Variants in PDZRN4 observed in about 807,000 individuals in gnomAD.
PDZRN4 encodes PDZ domain containing ring finger 4, also known as PDZ domain-containing RING finger protein 4.
PDZRN4 carries 70 observed loss-of-function variants against 99.0 expected under a neutral mutation model. That is an observed-to-expected ratio of 0.71 (90% CI 0.58 to 0.86). PDZRN4 has a LOEUF of 0.86. Ranked by LOEUF, PDZRN4 falls within the 40% of genes least tolerant of loss-of-function variation. The pLI, the probability that PDZRN4 is intolerant of heterozygous loss-of-function variation, is 0.00. For synonymous variants in PDZRN4, 551 were observed against 501.6 expected (o/e 1.10, Z -1.32); for missense variants, 1,474 against 1,331.2 (o/e 1.11, Z -1.67).
chr12:41,433,955 C>G (rs553553439), intron 3 of PDZRN4, among the ~76,000 whole-genome samples: 35 of 152,190 alleles, frequency 2.3e-4, no homozygotes, highest in Admixed American at 1.0e-3. Flanking sequence ...AACTACTGCC[C>G]CTATCAGGAG....
At chr12:41,192,365 G>A (rs1950740875) in intron 2 of PDZRN4, among the ~76,000 whole-genome samples, 1 of 152,196 alleles carries the variant, frequency 6.6e-6, no homozygotes, top group Non-Finnish European at 1.5e-5. Flanking sequence ...CTCCCAAAGT[G>A]CTGGGATTAC....
chr12:41,281,549 G>T (rs1951385936), intron 3 of PDZRN4, among the ~76,000 whole-genome samples: 1 of 152,080 alleles, frequency 6.6e-6, no homozygotes, highest in Non-Finnish European at 1.5e-5. Flanking sequence ...GAAAAACATA[G>T]CACAAGAACT....
intron 3 of PDZRN4, among the ~76,000 whole-genome samples, chr12:41,483,505 G>C (rs922817341): frequency 2.0e-5 from 3 of 152,098 alleles, no homozygotes; most frequent in Non-Finnish European, 4.4e-5. Flanking sequence ...CCCATGTAGG[G>C]AGCTTCAGAG....
chr12:41,429,803 T>TTTTTTTTTTTTTTTTTTTTGAGACGG (rs1952570408), intron 3 of PDZRN4, among the ~76,000 whole-genome samples: 1 of 151,414 alleles, frequency 6.6e-6, no homozygotes, highest in African/African-American at 2.5e-5. Context: ...TCTTATTTTT[T>TTTTTTTTTTTTTTTTTTTTGAGACGG]AAAATGTCTA....
chr12:41,324,522 T>A (rs1197035252), intron 3 of PDZRN4, among the ~76,000 whole-genome samples: 1 of 152,082 alleles, frequency 6.6e-6, no homozygotes, highest in African/African-American at 2.4e-5. Context: ...TTTGGGAAAA[T>A]AGCAATATTT....
At chr12:41,553,121 C>A (rs991151874) in intron 6 of PDZRN4, among the ~76,000 whole-genome samples, 2 of 152,174 alleles carry the variant, frequency 1.3e-5, no homozygotes, top group Non-Finnish European at 2.9e-5. Flanking sequence ...TTAACAGTAG[C>A]ACTGGCTAAT....
chr12:41,299,360 C>T (rs1037801467), intron 3 of PDZRN4, among the ~76,000 whole-genome samples: 1 of 152,098 alleles, frequency 6.6e-6, no homozygotes, highest in Admixed American at 6.6e-5. Context: ...TTTTTCCTCT[C>T]TTTTGTAATC....
intron 3 of PDZRN4, among the ~76,000 whole-genome samples, chr12:41,227,685 C>T (rs1951003162): frequency 6.6e-6 from 1 of 151,946 alleles, no homozygotes; most frequent in African/African-American, 2.4e-5. Flanking sequence ...ACAACAACAA[C>T]AAACATTAAG....
At chr12:41,558,315 C>T (rs1204934217) in intron 7 of PDZRN4, among the ~76,000 whole-genome samples, 2 of 152,104 alleles carry the variant, frequency 1.3e-5, no homozygotes, top group South Asian at 2.1e-4. Flanking sequence ...TATTTGGATA[C>T]ACTTGCAGAT....
chr12:41,222,912 T>C (rs571973640), intron 3 of PDZRN4, among the ~76,000 whole-genome samples: 79 of 152,330 alleles, frequency 5.2e-4, no homozygotes, highest in African/African-American at 1.8e-3. Context: ...ACAGTATCTA[T>C]GGTGTATATC....
chr12:41,480,365 CTT>C (rs1021280331), intron 3 of PDZRN4, among the ~76,000 whole-genome samples: 17 of 152,130 alleles, frequency 1.1e-4, no homozygotes, highest in Admixed American at 1.1e-3. Flanking sequence ...ATTCCCACCT[CTT>C]TGTTCTATAT....
At chr12:41,309,703 A>G (rs1050747363) in intron 3 of PDZRN4, among the ~76,000 whole-genome samples, 2 of 152,144 alleles carry the variant, frequency 1.3e-5, no homozygotes, top group Non-Finnish European at 2.9e-5. Context: ...AATAAATAAG[A>G]AAAAGTTAAA....
At chr12:41,372,849 G>A (rs1194307889) in intron 3 of PDZRN4, among the ~76,000 whole-genome samples, 2 of 152,154 alleles carry the variant, frequency 1.3e-5, no homozygotes, top group East Asian at 3.9e-4. Context: ...TTGGAAAGAA[G>A]TCTATACAGG....
chr12:41,422,683 A>G (rs1040659952), intron 3 of PDZRN4, among the ~76,000 whole-genome samples: 19 of 152,052 alleles, frequency 1.2e-4, no homozygotes, highest in African/African-American at 4.6e-4. Context: ...GCATGGGGGA[A>G]ACGGCCCCCA....
At chr12:41,533,453 G>A (rs903943148) in intron 5 of PDZRN4, among the ~76,000 whole-genome samples, 4 of 152,148 alleles carry the variant, frequency 2.6e-5, no homozygotes, top group Non-Finnish European at 4.4e-5. Context: ...GATTACAGGC[G>A]TGAGCCACTG....
intron 3 of PDZRN4, among the ~76,000 whole-genome samples, chr12:41,444,463 G>A (rs1321670114): frequency 6.6e-6 from 1 of 152,076 alleles, no homozygotes; most frequent in Non-Finnish European, 1.5e-5. Flanking sequence ...TCCACAAAGG[G>A]AACACTCCTT....
In PDZRN4 at chr12:41,194,076, A is replaced by G. The variant is rs1366144160; in HGVS notation, c.736-5A>G. On this transcript the variant is annotated splice_region_variant and splice_polypyrimidine_tract_variant and intron_variant, in intron 2 of 9. Transcript: ENST00000402685. ...TTTCTTCTGCTAATGATTTTTTAAAAATAGAATAATCAGGAAGGAACATCG... is the reference window on the plus strand; with the variant it reads ...TTTCTTCTGCTAATGATTTTTTAAAGATAGAATAATCAGGAAGGAACATCG... The G allele has an allele frequency of 2.2e-6, 3 of 1,342,982 alleles. No homozygotes were observed. The highest frequency in any genetic ancestry group is 1.1e-6 in the Non-Finnish European group (1 of 950,018). 83.2% of individuals were successfully genotyped at this position (1,342,982 alleles called of 1,614,324 possible).
chr12:41,388,098 G>T (rs867871211), intron 3 of PDZRN4, among the ~76,000 whole-genome samples: 3 of 152,152 alleles, frequency 2.0e-5, no homozygotes, highest in African/African-American at 7.2e-5. Flanking sequence ...AGTCATAAAA[G>T]AATGAGATAA....
At chr12:41,521,454 G>T (rs1308833993) in intron 5 of PDZRN4, among the ~76,000 whole-genome samples, 2 of 151,942 alleles carry the variant, frequency 1.3e-5, no homozygotes, top group African/African-American at 4.8e-5. Flanking sequence ...TAGTAATCAA[G>T]GCACAATAAG....
Sources: allele counts gnomAD v4.1 joint callset (sites outside exome capture counted in the v4.1 genomes callset), GRCh38; gene constraint gnomAD v4.1.1; transcripts MANE v1.5; gene names NCBI Gene and HGNC (gene_info 2026-07-23, HGNC 2026-07-21).